The following CDK5RAP2 variants were observed in gnomAD, a reference collection of about 807,000 sequenced individuals.
CDK5RAP2 encodes CDK5 regulatory subunit-associated protein 2.
Under a neutral mutation model 232.9 loss-of-function variants are expected in CDK5RAP2, and 147 were observed. That is an observed-to-expected ratio of 0.63 (90% CI 0.55 to 0.72). The LOEUF (loss-of-function observed/expected upper bound fraction) is 0.72. Ranked by LOEUF, CDK5RAP2 falls within the 30% of genes least tolerant of loss-of-function variation. CDK5RAP2 has a pLI of 0.00. For synonymous variants in CDK5RAP2, 833 were observed against 833.7 expected (o/e 1.00, Z 0.01); for missense variants, 2,195 against 2,231.5 (o/e 0.98, Z 0.33).
At chr9:120,511,124 CT>C (rs1183628459) in intron 12 of CDK5RAP2, among the ~76,000 whole-genome samples, 2 of 152,194 alleles carry the variant, frequency 1.3e-5, no homozygotes, top group East Asian at 1.9e-4. Context: ...CTGATCCAAG[CT>C]CAATTTTCAG....
At chr9:120,412,009 T>C (rs2033882286) in intron 28 of CDK5RAP2, among the ~76,000 whole-genome samples, 1 of 152,222 alleles carries the variant, frequency 6.6e-6, no homozygotes, top group Non-Finnish European at 1.5e-5. Flanking sequence ...TCCAAAATGC[T>C]TCCAACACTG....
At chr9:120,407,337 A>C in intron 31 of CDK5RAP2, 89 bp from the exon 32 acceptor site, 1 of 936,168 alleles carries the variant, frequency 1.1e-6, no homozygotes, top group Non-Finnish European at 1.7e-6. Context: ...TACACTCACC[A>C]CCACCATCGC....
rs557758749 is a variant in CDK5RAP2 at position 120,432,325 on chromosome 9, T to C, written c.3955+4970A>G. The stretch of plus-strand genomic sequence containing the variant: ...AATACACATATGAATAAAAAAGGTC[T>C]GGGCATATATACTCCAGGGTATTCA... On this transcript the variant is annotated intron_variant, in intron 25 of 37. Transcript: ENST00000349780. Among the ~76,000 whole-genome samples the C allele has an allele frequency of 2.3e-4, 35 of 152,334 alleles. 1 individual carries two copies. The highest frequency in any genetic ancestry group is 7.7e-4 in the African/African-American group (32 of 41,558).
intron 35 of CDK5RAP2, among the ~76,000 whole-genome samples, chr9:120,394,959 G>A (rs1270771189): frequency 6.6e-6 from 1 of 152,152 alleles, no homozygotes; most frequent in Non-Finnish European, 1.5e-5. Context: ...TTCCCCCAAG[G>A]AATAATAACA....
chr9:120,434,645 A>G (rs1564210029), intron 25 of CDK5RAP2, among the ~76,000 whole-genome samples: 1 of 152,034 alleles, frequency 6.6e-6, no homozygotes, highest in Non-Finnish European at 1.5e-5. Flanking sequence ...CAGGGATGGA[A>G]GACGTGCAGA....
chr9:120,462,818 C>G (rs759698859), intron 18 of CDK5RAP2, among the ~76,000 whole-genome samples: 1 of 152,180 alleles, frequency 6.6e-6, no homozygotes, highest in Non-Finnish European at 1.5e-5. Context: ...ACTTGTAAAA[C>G]TTAGTGAACG....
intron 4 of CDK5RAP2, among the ~76,000 whole-genome samples, chr9:120,546,730 C>G (rs967349177): frequency 6.6e-6 from 1 of 151,966 alleles, no homozygotes; most frequent in African/African-American, 2.4e-5. Context: ...AACTCCTGGG[C>G]TCAAGGGATC....
chr9:120,498,583 A>G (rs530397045), intron 12 of CDK5RAP2, among the ~76,000 whole-genome samples: 1 of 152,314 alleles, frequency 6.6e-6, no homozygotes, highest in South Asian at 2.1e-4. Context: ...TGTTGCATCA[A>G]TGTTAATTTC....
At chr9:120,461,440 G>A (rs2037081728) in intron 18 of CDK5RAP2, among the ~76,000 whole-genome samples, 1 of 152,100 alleles carries the variant, frequency 6.6e-6, no homozygotes, top group African/African-American at 2.4e-5. Context: ...CTAGTCATGG[G>A]GCACCTGAAT....
intron 20 of CDK5RAP2, among the ~76,000 whole-genome samples, chr9:120,455,836 A>G (rs921860921): frequency 2.6e-5 from 4 of 152,216 alleles, no homozygotes; most frequent in African/African-American, 9.6e-5. Flanking sequence ...TGCTGGTCTA[A>G]TCACAGAGGA....
rs754468592 is a variant in CDK5RAP2, at chr9:120,415,123, A to G, written c.4214T>C (p.Leu1405Ser). ...AATAGATTCTTCTAAACGCTTTCTC[A>G]AAGTTCGAATTTCCTGTATGTGTTC... ...LMEHIQEIRT[L>S]RKRLEESIKT... Residue 1405 changes from leucine (L) to serine (S), a missense_variant, in exon 28 of 38, where the codon TTG (leucine) becomes TCG (serine). Physicochemically the swap from Leu to Ser is moderately radical, Grantham distance 145. Coordinates refer to ENST00000349780, the MANE Select transcript of CDK5RAP2 (RefSeq NM_018249.6). 2.5e-6 allele frequency: 4 copies of G among 1,614,168 alleles called. No individual in the cohort carries two copies. Among genetic ancestry groups the G allele is most frequent in the Non-Finnish European group, 1.7e-6 (2 of 1,179,990 alleles).
intron 19 of CDK5RAP2, among the ~76,000 whole-genome samples, chr9:120,458,984 G>A (rs2036939061): frequency 6.6e-6 from 1 of 152,224 alleles, no homozygotes; most frequent in Non-Finnish European, 1.5e-5. Context: ...CACTACAGGT[G>A]CACAATGGAA....
At chr9:120,424,116 GT>G in intron 25 of CDK5RAP2, among the ~76,000 whole-genome samples, 1 of 152,302 alleles carries the variant, frequency 6.6e-6, no homozygotes, top group South Asian at 2.1e-4. Context: ...TGAGCACGGT[GT>G]TAGTACCTCT....
chr9:120,507,928 AAAAAAAAAAAAAAAAT>A (rs2039894012), intron 12 of CDK5RAP2, among the ~76,000 whole-genome samples: 3 of 70,522 alleles, frequency 4.3e-5, no homozygotes, highest in Admixed American at 1.7e-4. Context: ...AAAAAAAAAA[AAAAAAAAAAAAAAAAT>A]ATATATATAT....
At chr9:120,445,557 T>C (rs1340586778) in intron 22 of CDK5RAP2, among the ~76,000 whole-genome samples, 2 of 152,184 alleles carry the variant, frequency 1.3e-5, no homozygotes, top group African/African-American at 4.8e-5. Context: ...AGTACACCAA[T>C]GACTTCCACA....
rs563814953 is a variant in CDK5RAP2, at chr9:120,498,207, C to T, written c.1312-6730G>A. Among the ~76,000 whole-genome samples, 24 of 152,300 alleles carry T rather than the reference C, an allele frequency of 1.6e-4. No individual in the cohort carries two copies. In the East Asian group the frequency reaches 4.2e-3, roughly 27 times the overall value. On this transcript the variant is annotated intron_variant, in intron 12 of 37. Coordinates refer to ENST00000349780, the MANE Select transcript of CDK5RAP2 (RefSeq NM_018249.6). Reference sequence around the variant, plus strand: ...TAGTCTGGGCTTCCAGAGCTCCAGGCCTTCCCAGCCTCCATACTTAGCGAT... The same window carrying T: ...TAGTCTGGGCTTCCAGAGCTCCAGGTCTTCCCAGCCTCCATACTTAGCGAT...
chr9:120,407,589 A>C (rs1030738516), intron 31 of CDK5RAP2: 2 of 295,440 alleles, frequency 6.8e-6, no homozygotes, highest in African/African-American at 4.3e-5. Flanking sequence ...GAGCCACACT[A>C]TATTAAAAAG....
At chr9:120,440,645 T>A (rs929726937) in intron 23 of CDK5RAP2, among the ~76,000 whole-genome samples, 1 of 152,238 alleles carries the variant, frequency 6.6e-6, no homozygotes, top group African/African-American at 2.4e-5. Context: ...GCTTATTTAT[T>A]GATTCACATA....
At chr9:120,503,492 TACA>T (rs1267729364) in intron 12 of CDK5RAP2, among the ~76,000 whole-genome samples, 1 of 152,120 alleles carries the variant, frequency 6.6e-6, no homozygotes, top group Non-Finnish European at 1.5e-5. Context: ...CTTGCCTGAG[TACA>T]ACAATCAGAA....
Sources: gnomAD v4.1 joint callset for allele counts (sites outside exome capture counted in the v4.1 genomes callset) on GRCh38, gnomAD v4.1.1 for gene constraint, MANE v1.5 for transcripts, NCBI Gene and HGNC (gene_info 2026-07-23, HGNC 2026-07-21) for gene names.